The following WBP2NL variants were observed in gnomAD, a reference collection of about 807,000 sequenced individuals.
The protein encoded by WBP2NL is WBP2 N-terminal like, also known as postacrosomal sheath WW domain-binding protein.
In WBP2NL, 27 loss-of-function variants were observed where a neutral mutation model predicts 23.3. That is an observed-to-expected ratio of 1.16 (90% CI 0.85 to 1.60). WBP2NL has a LOEUF of 1.60. Among genes scored for constraint, WBP2NL ranks in the 40% most tolerant of loss-of-function variants. The probability of loss-of-function intolerance (pLI) is 0.00; values close to 1 mark genes in which losing one functional copy is unlikely to be tolerated. For missense variants in WBP2NL, 370 were observed against 389.5 expected (o/e 0.95, Z 0.42); for synonymous variants, 151 against 145.9 (o/e 1.03, Z -0.25).
intron 1 of WBP2NL, among the ~76,000 whole-genome samples, chr22:42,000,667 G>T (rs1171474979): frequency 2.0e-5 from 3 of 151,822 alleles, no homozygotes; most frequent in Non-Finnish European, 4.4e-5. Flanking sequence ...GGTGGCCCAC[G>T]CCTGTAATCC....
chr22:42,027,023 G>A lies in WBP2NL; in HGVS notation c.772G>A (p.Gly258Arg), dbSNP rs966890666. Reference sequence around the variant, plus strand: ...TCTCGGATATGGAGCCCCACCTCTCGGATATGGAGCCCCACCTGCAGGAAA... The same window carrying A: ...TCTCGGATATGGAGCCCCACCTCTCAGATATGGAGCCCCACCTGCAGGAAA... ...PPLGYGAPPL[G>R]YGAPPAGNEG... Residue 258 changes from glycine to arginine, a missense_variant, in exon 6 of 6, where the codon GGA becomes AGA. Transcript: ENST00000328823. 17 of 1,613,698 alleles carry A rather than the reference G, an allele frequency of 1.1e-5. No homozygotes were observed. Among genetic ancestry groups the A allele is most frequent in the Admixed American group, 8.3e-5 (5 of 59,982 alleles).
At chr22:42,048,625 G>T (rs1488397244) in intron 8 of WBP2NL, among the ~76,000 whole-genome samples, 1 of 151,478 alleles carries the variant, frequency 6.6e-6, no homozygotes, top group Non-Finnish European at 1.5e-5. Context: ...GTGTGGTGGC[G>T]GGTGCCTGTG....
In WBP2NL at chr22:42,026,929, C is replaced by T; in HGVS notation, c.678C>T (p.Ala226=). ...GAGCCCCACCTCTTGGATACGGAGC[C>T]CCACCTGCAGGATATGGAGCCCCAC... The part of the protein sequence containing the change: ...RYGAPPLGYG[A]PPAGYGAPPL... Residue 226 remains alanine (A), a synonymous_variant, in exon 6 of 6, where the codon GCC becomes GCT. Transcript: ENST00000328823. 6.2e-7 allele frequency: 1 copy of T among 1,612,568 alleles called. No homozygotes were observed. Among genetic ancestry groups the T allele is most frequent in the Non-Finnish European group, 8.5e-7 (1 of 1,179,694 alleles).
In WBP2NL at chr22:42,019,986, T is replaced by C. The variant is rs752623872; in HGVS notation, c.314-18T>C. 5.0e-6 allele frequency: 8 copies of C among 1,611,634 alleles called. No homozygotes were observed. The highest frequency in any genetic ancestry group is 4.0e-5 in the African/African-American group (3 of 74,870). The stretch of plus-strand genomic sequence containing the variant: ...CTATGCCAGTTTCTTGGTGAGTGTG[T>C]GCCATTTCTTCCCCCAGGTGGCTGG... On this transcript the variant is annotated intron_variant, in intron 3 of 5. Coordinates refer to ENST00000328823, the MANE Select transcript of WBP2NL (RefSeq NM_152613.3).
intron 8 of WBP2NL, among the ~76,000 whole-genome samples, chr22:42,046,286 C>T (rs1411936017): frequency 6.6e-6 from 1 of 152,202 alleles, no homozygotes; most frequent in Admixed American, 6.5e-5. Flanking sequence ...AACCAAAAAT[C>T]TTTACTGTTT....
intron 8 of WBP2NL, among the ~76,000 whole-genome samples, chr22:42,042,664 T>C (rs971942629): frequency 1.3e-5 from 2 of 152,232 alleles, no homozygotes; most frequent in East Asian, 1.9e-4. Flanking sequence ...TCCATCTCTT[T>C]GGATTATTTA....
At chr22:42,019,047 C>T (rs1466201099) in intron 1 of WBP2NL, among the ~76,000 whole-genome samples, 3 of 151,860 alleles carry the variant, frequency 2.0e-5, no homozygotes, top group African/African-American at 7.3e-5. Context: ...AGTGAAACCC[C>T]CATCTCTACA....
At position 42,018,135 on chromosome 22, in the gene WBP2NL, G is replaced by A. The variant is rs1288760454; in HGVS notation, c.63-1176G>A. Among the ~76,000 whole-genome samples, 3 of 141,922 alleles carry A rather than the reference G, an allele frequency of 2.1e-5. No individual in the cohort carries two copies. In the Admixed American group the frequency reaches 2.2e-4, roughly 10 times the overall value. 93.1% of individuals were successfully genotyped at this position (141,922 alleles called of 152,430 possible). ...TTGCACTCAAACCTGGGGGACAAGAGCAAGACTTCTCTCAAAAAAAAAAAA... is the reference window on the plus strand; with the variant it reads ...TTGCACTCAAACCTGGGGGACAAGAACAAGACTTCTCTCAAAAAAAAAAAA... On this transcript the variant is annotated intron_variant, in intron 1 of 5. Coordinates refer to ENST00000328823, the MANE Select transcript of WBP2NL (RefSeq NM_152613.3).
intron 4 of WBP2NL, among the ~76,000 whole-genome samples, chr22:42,020,924 T>A (rs1361253590): frequency 2.2e-5 from 2 of 90,596 alleles, no homozygotes; most frequent in Non-Finnish European, 4.4e-5. Context: ...TTTTTTTTTT[T>A]TTTTTTTTTT....
chr22:42,035,089 A>G (rs924185627), downstream of WBP2NL, among the ~76,000 whole-genome samples: 2 of 152,278 alleles, frequency 1.3e-5, no homozygotes, highest in African/African-American at 4.8e-5. Flanking sequence ...TGGGGAAGTG[A>G]TAAGTGTCCA....
intron 1 of WBP2NL, chr22:42,003,284 T>C (rs1921886660): frequency 6.6e-6 from 1 of 152,610 alleles, no homozygotes; most frequent in Non-Finnish European, 1.5e-5. Flanking sequence ...ATCAGATTGC[T>C]TAAAAATGAT....
At chr22:42,038,239 T>A (rs1376773977) in intron 8 of WBP2NL, among the ~76,000 whole-genome samples, 1 of 152,234 alleles carries the variant, frequency 6.6e-6, no homozygotes, top group Non-Finnish European at 1.5e-5. Flanking sequence ...TGATCATCTG[T>A]TTTTTGTGTT....
chr22:42,001,851 T>C, intron 1 of WBP2NL: 1 of 1,415,330 alleles, frequency 7.1e-7, no homozygotes, highest in South Asian at 1.4e-5. Context: ...GCTGGCATGC[T>C]GCACCTGTAG....
intron 8 of WBP2NL, among the ~76,000 whole-genome samples, chr22:42,045,393 G>A (rs1257675300): frequency 6.6e-6 from 1 of 152,086 alleles, no homozygotes; most frequent in Admixed American, 6.5e-5. Flanking sequence ...GTGAGCCACT[G>A]CACTCCAGCC....
chr22:42,018,723 A>T (rs1228405401), intron 1 of WBP2NL, among the ~76,000 whole-genome samples: 1 of 152,128 alleles, frequency 6.6e-6, no homozygotes, highest in African/African-American at 2.4e-5. Flanking sequence ...CAAGAAGTAT[A>T]AGAATTAATG....
intron 3 of WBP2NL, 26 bp from the exon 4 acceptor site, chr22:42,019,978 T>A: frequency 1.2e-6 from 2 of 1,610,086 alleles, no homozygotes; most frequent in Non-Finnish European, 1.7e-6. Context: ...AGTTTCTTGG[T>A]GAGTGTGTGC....
intron 1 of WBP2NL, among the ~76,000 whole-genome samples, chr22:42,011,833 T>C (rs1173573291): frequency 1.3e-5 from 2 of 151,928 alleles, no homozygotes; most frequent in African/African-American, 4.8e-5. Context: ...AGTGCAGTCG[T>C]GCAATATTGG....
rs1924545058 is a variant in WBP2NL at position 42,026,826 on chromosome 22, C to A, written c.575C>A (p.Pro192Gln). 1.2e-6 allele frequency: 2 copies of A among 1,614,048 alleles called. No homozygotes were observed. The highest frequency in any genetic ancestry group is 1.7e-6 in the Non-Finnish European group (2 of 1,179,944). ...YGAPPPGYGA[P>Q]PAGYGAQPVG... ...GCCCCACCTCCCGGATACGGAGCCC[C>A]ACCTGCAGGATATGGAGCCCAACCC... The change falls in exon 6 of 6, where the codon CCA becomes CAA. Residue 192 changes from proline to glutamine, a missense_variant. Transcript: ENST00000328823.
At chr22:42,044,430 G>T (rs900140937) in intron 8 of WBP2NL, among the ~76,000 whole-genome samples, 1 of 152,026 alleles carries the variant, frequency 6.6e-6, no homozygotes, top group Non-Finnish European at 1.5e-5. Context: ...TTTCAGAGGG[G>T]ACAAACATTC....
Sources: gnomAD v4.1 joint callset for allele counts (sites outside exome capture counted in the v4.1 genomes callset) on GRCh38, gnomAD v4.1.1 for gene constraint, MANE v1.5 for transcripts, NCBI Gene and HGNC (gene_info 2026-07-23, HGNC 2026-07-21) for gene names.